CYP2D6: variants seen among roughly 807,000 people sequenced by gnomAD.
The protein encoded by CYP2D6 is cytochrome P450 family 2 subfamily D member 6 (gene/pseudogene).
Under a neutral mutation model 43.5 loss-of-function variants are expected in CYP2D6, and 51 were observed. The ratio of observed to expected loss-of-function variants is 1.17; its 90% confidence interval spans 0.94 to 1.48. The LOEUF is 1.48. Ranked by LOEUF, CYP2D6 falls within the 40% of genes most tolerant of loss-of-function variation. CYP2D6 has a pLI of 0.00. For missense variants in CYP2D6, 698 were observed against 688.0 expected, an observed-to-expected ratio of 1.01 and a Z score of -0.16; for synonymous variants, 346 against 297.1, an observed-to-expected ratio of 1.16 and a Z score of -1.69.
At chr22:42,128,476 C>T in intron 4 of CYP2D6, 126 bp from the exon 5 acceptor site, 3 of 1,160,872 alleles carry the variant, frequency 2.6e-6, no homozygotes, top group Non-Finnish European at 3.8e-6. Flanking sequence ...CTCACCAAGT[C>T]CCTCCCCAAG....
intron 2 of CYP2D6, 162 bp from the exon 3 acceptor site, chr22:42,129,347 G>A (rs947729317): frequency 1.4e-5 from 15 of 1,065,348 alleles, no homozygotes; most frequent in Middle Eastern, 1.9e-4. Context: ...CCCTTGGCTG[G>A]GGCAGGGCTT....
At position 42,128,501 on chromosome 22, in the gene CYP2D6, C is replaced by G. The variant is rs1017271818; in HGVS notation, c.667-151G>C. 2.1e-5 allele frequency: 21 copies of G among 1,012,558 alleles called. 1 individual carries two copies. In the African/African-American group the frequency reaches 2.9e-4, roughly 14 times the overall value. The allele number at this position is 1,012,558 out of a possible 1,614,324, so 62.7% of individuals were successfully genotyped here. On this transcript the variant is annotated intron_variant, in intron 4 of 8. Transcript: ENST00000645361. Reference sequence around the variant, plus strand: ...CCCTCCCCAAGTGCCAGCCTCCACCCTCTCTCCTTGCCCAGAGGAGAAACC... The same window carrying G: ...CCCTCCCCAAGTGCCAGCCTCCACCGTCTCTCCTTGCCCAGAGGAGAAACC...
Position 42,128,859 on chromosome 22 carries a change from G to A in CYP2D6, c.591C>T (p.Tyr197=), listed in dbSNP as rs375487723. ...ASLTCGRRFE[Y]DDPRFLRLLD... is the part of the protein sequence containing the mutation. ...GCAGCCTGAGGAAGCGAGGGTCGTC[G>A]TACTCGAAGCGGCGCCCGCAGGTGA... Residue 197 remains tyrosine (Y), a synonymous_variant, in exon 4 of 9, where the codon TAC becomes TAT. Transcript: ENST00000645361. 1.2e-5 allele frequency: 20 copies of A among 1,604,442 alleles called. No homozygotes were observed. Among genetic ancestry groups the A allele is most frequent in the East Asian group, 2.3e-5 (1 of 44,436 alleles).
At chr22:42,128,585 C>G (rs1392204325) in intron 4 of CYP2D6, among the ~76,000 whole-genome samples, 199 bp downstream of exon 4, 1 of 150,986 alleles carries the variant, frequency 6.6e-6, no homozygotes, top group South Asian at 2.1e-4. Flanking sequence ...CTCCTGGTGC[C>G]CCCTGACCCG....
At position 42,129,342 on chromosome 22, in the gene CYP2D6, G is replaced by C; in HGVS notation, c.353-157C>G. 3 of 1,072,460 alleles carry C rather than the reference G, an allele frequency of 2.8e-6. 1 individual carries two copies. The highest frequency in any genetic ancestry group is 4.2e-6 in the Non-Finnish European group (3 of 722,858). 66.4% of individuals were successfully genotyped at this position (1,072,460 alleles called of 1,614,324 possible). A position where few individuals can be genotyped will look rare whatever the true frequency, so the allele number is the denominator to read the frequency against. On this transcript the variant is annotated intron_variant, in intron 2 of 8. Transcript: ENST00000645361. ...CTTTGTGCATCCACCTTGCTCCCTT[G>C]GCTGGGGCAGGGCTTTGCCCCACCT... is the stretch of plus-strand genomic sequence containing the variant.
chr22:42,128,833 A>C lies in CYP2D6; in HGVS notation c.617T>G (p.Leu206Arg). ...CTTCAGTCCCTCCTGAGCTAGGTCC[A>C]GCAGCCTGAGGAAGCGAGGGTCGTC... ...EYDDPRFLRL[L>R]DLAQEGLKEE... Residue 206 changes from leucine to arginine, a missense_variant, in exon 4 of 9, where the codon CTG becomes CGG. Physicochemically the swap from Leu to Arg is moderately radical, Grantham distance 102. Transcript: ENST00000645361. 2 of 1,608,102 alleles carry C rather than the reference A, an allele frequency of 1.2e-6. No homozygotes were observed. The highest frequency in any genetic ancestry group is 1.7e-6 in the Non-Finnish European group (2 of 1,176,702).
chr22:42,129,452 G>A, intron 2 of CYP2D6: 1 of 734,500 alleles, frequency 1.4e-6, no homozygotes, highest in Non-Finnish European at 2.4e-6. Context: ...CAGCACAGGT[G>A]CGGTCCCCGC....
chr22:42,129,500 C>G (rs1244568147), intron 2 of CYP2D6: 1 of 720,848 alleles, frequency 1.4e-6, no homozygotes, highest in South Asian at 1.6e-5. Flanking sequence ...GGGAAATGCG[C>G]CAGCCTCACC....
rs201647259 is a variant in CYP2D6, at chr22:42,127,436, G to T, written c.1173+11C>A. On this transcript the variant is annotated intron_variant, in intron 7 of 8. Transcript: ENST00000645361. ...GGTGCTGAGCTGGGGTGAGGAGGGCGCCAGGCCTACCTTAGGGATGCGGAA... is the reference window on the plus strand; with the variant it reads ...GGTGCTGAGCTGGGGTGAGGAGGGCTCCAGGCCTACCTTAGGGATGCGGAA... The T allele has an allele frequency of 8.1e-6, 13 of 1,598,016 alleles. No individual in the cohort carries two copies. Among genetic ancestry groups the T allele is most frequent in the Middle Eastern group, 1.7e-4 (1 of 6,012 alleles).
Position 42,127,519 on chromosome 22 carries a change from C to A in CYP2D6, c.1101G>T (p.Gly367=), listed in dbSNP as rs768247228. The A allele has an allele frequency of 6.2e-7, 1 of 1,611,916 alleles. No individual in the cohort carries two copies. Among genetic ancestry groups the A allele is most frequent in the South Asian group, 1.1e-5 (1 of 90,958 alleles). ...GGGTCACACCCAGGGGGACGATGTCCCCAAAGCGCTGCACCTCATGAATCA... is the reference window on the plus strand; with the variant it reads ...GGGTCACACCCAGGGGGACGATGTCACCAAAGCGCTGCACCTCATGAATCA... The part of the protein sequence containing the change: ...TAVIHEVQRF[G]DIVPLGVTHM... Residue 367 remains glycine, a synonymous_variant, in exon 7 of 9, where the codon GGG becomes GGT. Transcript: ENST00000645361.
chr22:42,127,278 C>T (rs1931075458), intron 7 of CYP2D6, among the ~76,000 whole-genome samples, 169 bp downstream of exon 7: 1 of 150,930 alleles, frequency 6.6e-6, no homozygotes, highest in Non-Finnish European at 1.5e-5. Flanking sequence ...GATGGACAGG[C>T]CAGCCCTGCC....
In CYP2D6 at chr22:42,129,733, C is replaced by T. The variant is rs1931726822; in HGVS notation, c.352+5G>A. 6.2e-7 allele frequency: 1 copy of T among 1,609,840 alleles called. No homozygotes were observed. Among genetic ancestry groups the T allele is most frequent in the East Asian group, 2.2e-5 (1 of 44,746 alleles). ...AAATCTGTCTCTGTCCCCACCGCTG[C>T]TTGCCTTGGGAACGCGGCCCGAAAC... On this transcript the variant is annotated splice_donor_5th_base_variant and intron_variant, in intron 2 of 8. Coordinates refer to ENST00000645361, the MANE Select transcript of CYP2D6 (RefSeq NM_000106.6).
Position 42,130,625 on chromosome 22 carries a change from T to C in CYP2D6, c.167A>G (p.Tyr56Cys), listed in dbSNP as rs1157817197. 1.9e-6 allele frequency: 3 copies of C among 1,604,484 alleles called. 1 individual carries two copies. Among genetic ancestry groups the C allele is most frequent in the Non-Finnish European group, 2.6e-6 (3 of 1,175,590 alleles). Residue 56 changes from tyrosine (Y) to cysteine (C), a missense_variant, in exon 1 of 9, where the codon TAC becomes TGC. Tyr to Cys is a radical substitution (Grantham distance 194). Transcript: ENST00000645361. The part of the protein sequence containing the change: ...LLHVDFQNTP[Y>C]CFDQLRRRFG... The stretch of plus-strand genomic sequence containing the variant: ...CTCCTCCCTCACCTGGTCGAAGCAG[T>C]ATGGTGTGTTCTGGAAGTCCACATG...
At chr22:42,128,488 G>T in intron 4 of CYP2D6, 138 bp from the exon 5 acceptor site, 2 of 1,055,712 alleles carry the variant, frequency 1.9e-6, no homozygotes, top group Non-Finnish European at 2.9e-6. Flanking sequence ...CTCCCCAAGT[G>T]CCAGCCTCCA....
Position 42,129,248 on chromosome 22 carries a change from A to G in CYP2D6, c.353-63T>C, listed in dbSNP as rs1931597333. On this transcript the variant is annotated intron_variant, in intron 2 of 8. Transcript: ENST00000645361. ...GCATTAGCCCCACCATCCACCACCC[A>G]CTCCAACCCTATGCTCCCCCTGGTC... The G allele has an allele frequency of 2.1e-5, 33 of 1,563,430 alleles. 1 individual carries two copies. The South Asian group carries it at 3.2e-4, about 15-fold the overall frequency.
rs138805052 is a variant in CYP2D6, at chr22:42,126,987, C to T, written c.1179G>A (p.Thr393=). Residue 393 remains threonine, a synonymous_variant, in exon 8 of 9, where the codon ACG becomes ACA. Coordinates refer to ENST00000645361, the MANE Select transcript of CYP2D6 (RefSeq NM_000106.6). ...CCGATGACAGGTTGGTGATGAGTGT[C>T]GTTCCCTGGGCAGGAGATGCAGGGT... ...EVQGFRIPKG[T]TLITNLSSVL... The T allele has an allele frequency of 4.5e-5, 72 of 1,606,114 alleles. 3 individuals carry two copies. The highest frequency in any genetic ancestry group is 5.3e-5 in the Non-Finnish European group (62 of 1,176,078).
rs959352070 is a variant in CYP2D6, at chr22:42,130,449, C to T, written c.180+163G>A. 20 of 851,110 alleles carry T rather than the reference C, an allele frequency of 2.3e-5. 2 individuals carry two copies. The Admixed American group carries it at 3.5e-4, about 15-fold the overall frequency. The allele number at this position is 851,110 out of a possible 1,614,324, so 52.7% of individuals were successfully genotyped here. ...TCCTTGGCCTTTGGAAAATCCAGTC[C>T]TTCATGCCATGTATAAATGCCCTTC... On this transcript the variant is annotated intron_variant, in intron 1 of 8. Transcript: ENST00000645361.
Position 42,127,929 on chromosome 22 carries a change from C to G in CYP2D6, c.898G>C (p.Ala300Pro). 6.2e-7 allele frequency: 1 copy of G among 1,611,302 alleles called. No homozygotes were observed. Among genetic ancestry groups the G allele is most frequent in the Non-Finnish European group, 8.5e-7 (1 of 1,178,242 alleles). ...FNDENLRIVV[A>P]DLFSAGMVTT... ...ACCATCCCGGCAGAGAACAGGTCAGCCACCACTATGCGCAGGTTCTCATCA... is the reference window on the plus strand; with the variant it reads ...ACCATCCCGGCAGAGAACAGGTCAGGCACCACTATGCGCAGGTTCTCATCA... The change falls in exon 6 of 9, where the codon GCT becomes CCT. Residue 300 changes from alanine (A) to proline (P), a missense_variant. By Grantham distance (27) the Ala-to-Pro change is conservative (BLOSUM62 -1). Around this residue, in one of 5 missense-constraint regions of CYP2D6, gnomAD observed 588 missense variants for 521.1 expected, o/e 1.13. Transcript: ENST00000645361.
intron 2 of CYP2D6, chr22:42,129,399 C>G: frequency 3.7e-6 from 3 of 818,786 alleles, no homozygotes; most frequent in Non-Finnish European, 6.1e-6. Flanking sequence ...CCTTTGCACT[C>G]AGGGAAGACC....
Sources: gnomAD v4.1 joint callset for allele counts (sites outside exome capture counted in the v4.1 genomes callset) on GRCh38, gnomAD v4.1.1 for gene constraint, gnomAD v4.1.1 regional missense constraint, MANE v1.5 for transcripts, NCBI Gene and HGNC (gene_info 2026-07-23, HGNC 2026-07-21) for gene names.